The following PDE9A variants were observed in gnomAD, a reference collection of about 807,000 sequenced individuals.
The protein encoded by PDE9A is high affinity cGMP-specific 3',5'-cyclic phosphodiesterase 9A.
In PDE9A, 60 loss-of-function variants were observed where a neutral mutation model predicts 87.4. The ratio of observed to expected loss-of-function variants is 0.69; its 90% CI spans 0.56 to 0.85. The LOEUF is 0.85. PDE9A is among the 40% of genes least tolerant of loss of function. The probability of loss-of-function intolerance (pLI) is 0.00; values close to 1 mark genes in which losing one functional copy is unlikely to be tolerated. For missense variants in PDE9A, 665 were observed against 779.0 expected (o/e 0.85, Z 1.74); for synonymous variants, 272 against 279.4 (o/e 0.97, Z 0.27).
chr21:42,718,861 C>T (rs1455678884), intron 4 of PDE9A, among the ~76,000 whole-genome samples: 1 of 151,726 alleles, frequency 6.6e-6, no homozygotes, highest in Non-Finnish European at 1.5e-5. Context: ...TTATGAATAA[C>T]ACCTAGGAGA....
In PDE9A at chr21:42,760,374, G is replaced by C. The variant is rs770239072; in HGVS notation, c.944G>C (p.Arg315Pro). 2 of 1,610,352 alleles carry C rather than the reference G, an allele frequency of 1.2e-6. No individual in the cohort carries two copies. The highest frequency in any genetic ancestry group is 1.7e-6 in the Non-Finnish European group (2 of 1,179,592). The change falls in exon 12 of 20, where the codon CGG becomes CCG. Residue 315 changes from arginine to proline, a missense_variant. Coordinates refer to ENST00000291539, the MANE Select transcript of PDE9A (RefSeq NM_002606.3). The surrounding 1 kb of genome is among the most constrained non-coding windows in gnomAD (Gnocchi z 5.2). ...NYRNNPFHNF[R>P]HCFCVAQMMY... Reference sequence around the variant, plus strand: ...AGAAACAACCCCTTCCACAACTTCCGGCACTGCTTCTGCGTGGCCCAGATG... The same window carrying C: ...AGAAACAACCCCTTCCACAACTTCCCGCACTGCTTCTGCGTGGCCCAGATG...
At chr21:42,662,680 T>A (rs1223257983) in intron 1 of PDE9A, among the ~76,000 whole-genome samples, 6 of 83,906 alleles carry the variant, frequency 7.2e-5, no homozygotes, top group South Asian at 4.2e-4. Context: ...GCACACGCAC[T>A]GCACACACAT....
At chr21:42,768,014 T>C (rs11203217) in intron 15 of PDE9A, among the ~76,000 whole-genome samples, 174 bp from the exon 16 acceptor site, 2,572 of 152,256 alleles carry the variant, frequency 0.017, 40 homozygotes, top group South Asian at 0.046. Context: ...ACCTTGAAGG[T>C]TCATTCTCCA....
intron 4 of PDE9A, among the ~76,000 whole-genome samples, chr21:42,726,700 A>G (rs2051153890): frequency 7.2e-6 from 1 of 138,242 alleles, no homozygotes; most frequent in Middle Eastern, 3.5e-3. Flanking sequence ...GGCTCAAGCA[A>G]TCCTCCAACC....
rs200267932 is a variant in PDE9A, at chr21:42,772,561, A to G, written c.1768+41A>G. On this transcript the variant is annotated intron_variant, in intron 19 of 19. Transcript: ENST00000291539. ...CTGAAGTGGCATCTCAGCGCATACA[A>G]TGATTCTGACAAAGGACAGAAGGAA... is the stretch of plus-strand genomic sequence containing the variant. The G allele has an allele frequency of 1.5e-4, 195 of 1,330,300 alleles. No homozygotes were observed. The African/African-American group carries it at 2.4e-3, about 16-fold the overall frequency. The allele number at this position is 1,330,300 out of a possible 1,614,324, so 82.4% of individuals were successfully genotyped here.
At chr21:42,665,745 C>A (rs1266629391) in intron 1 of PDE9A, among the ~76,000 whole-genome samples, 1 of 152,240 alleles carries the variant, frequency 6.6e-6, no homozygotes, top group Non-Finnish European at 1.5e-5. Context: ...CACTCACCTT[C>A]CAACCCTGCC....
intron 15 of PDE9A, among the ~76,000 whole-genome samples, chr21:42,765,961 G>A (rs544108842): frequency 1.3e-5 from 2 of 152,154 alleles, no homozygotes; most frequent in African/African-American, 4.8e-5. Context: ...AGAAGGGGTA[G>A]GGGGCCTCCC....
chr21:42,753,963 T>C lies in PDE9A; in HGVS notation c.736-27T>C, dbSNP rs191635084. The C allele has an allele frequency of 6.5e-5, 97 of 1,481,420 alleles. No homozygotes were observed. The East Asian group carries it at 2.1e-3, about 33-fold the overall frequency. The allele number at this position is 1,481,420 out of a possible 1,614,324, so 91.8% of individuals were successfully genotyped here. A position where few individuals can be genotyped will look rare whatever the true frequency, so the allele number is the denominator to read the frequency against. On this transcript the variant is annotated intron_variant, in intron 9 of 19. Transcript: ENST00000291539. ...ACTGTCACAGGCCCACGGCGCCTGGTTAACACGGAACTCCTGTCCTTTCTA... is the reference window on the plus strand; with the variant it reads ...ACTGTCACAGGCCCACGGCGCCTGGCTAACACGGAACTCCTGTCCTTTCTA...
intron 7 of PDE9A, chr21:42,733,730 TTGTC>T: frequency 2.6e-6 from 1 of 391,528 alleles, no homozygotes. Context: ...GCTGAGTGTC[TTGTC>T]TGTGTCTTTT....
chr21:42,717,830 G>A lies in PDE9A; in HGVS notation c.263-13940G>A, dbSNP rs958571864. On this transcript the variant is annotated intron_variant, in intron 4 of 19. Coordinates refer to ENST00000291539, the MANE Select transcript of PDE9A (RefSeq NM_002606.3). ...TTCTGGCCTCCATTGTTTCTGATGA[G>A]AAGTCAGCTTAATTTGATCATTATT... is the stretch of plus-strand genomic sequence containing the variant. 2.3e-4 allele frequency among the ~76,000 whole-genome samples: 35 copies of A among 151,812 alleles called. 1 individual carries two copies. The highest frequency in any genetic ancestry group is 1.3e-4 in the Admixed American group (2 of 15,232).
At chr21:42,730,181 C>A (rs1328714850) in intron 4 of PDE9A, among the ~76,000 whole-genome samples, 1 of 152,208 alleles carries the variant, frequency 6.6e-6, no homozygotes, top group Non-Finnish European at 1.5e-5. Flanking sequence ...GCCATCTTCC[C>A]CCACTAGTAG....
intron 1 of PDE9A, among the ~76,000 whole-genome samples, chr21:42,670,744 CACAT>C (rs1232048106): frequency 2.8e-5 from 4 of 144,852 alleles, no homozygotes; most frequent in African/African-American, 7.4e-5. Flanking sequence ...CACATTCACA[CACAT>C]ACACTCACAT....
At chr21:42,737,563 C>CT in intron 7 of PDE9A, among the ~76,000 whole-genome samples, 6 of 152,170 alleles carry the variant, frequency 3.9e-5, no homozygotes, top group Admixed American at 1.3e-4. Flanking sequence ...GAAGACAGGA[C>CT]ACTTCTGTCT....
At chr21:42,680,692 C>T (rs1475441048) in intron 1 of PDE9A, among the ~76,000 whole-genome samples, 1 of 152,234 alleles carries the variant, frequency 6.6e-6, no homozygotes, top group African/African-American at 2.4e-5. Context: ...TCTCTTCCTT[C>T]TCTGGATTCA....
chr21:42,725,957 G>A (rs1408767476), intron 4 of PDE9A, among the ~76,000 whole-genome samples: 1 of 152,178 alleles, frequency 6.6e-6, no homozygotes, highest in Non-Finnish European at 1.5e-5. Context: ...CCAGCCACGA[G>A]TGAGTGAGCC....
At position 42,705,052 on chromosome 21, in the gene PDE9A, C is replaced by T. The variant is rs1265541193; in HGVS notation, c.262+6041C>T. On this transcript the variant is annotated intron_variant, in intron 4 of 19. Transcript: ENST00000291539. The surrounding 1 kb of genome is among the most constrained non-coding windows in gnomAD (Gnocchi z 4.3). ...GTGAGCTGCAGAGACTTCTCTGGAG[C>T]GGTGAACAGCTCCTGCCAGGAAAGA... 4.6e-5 allele frequency among the ~76,000 whole-genome samples: 7 copies of T among 152,282 alleles called. No homozygotes were observed. The highest frequency in any genetic ancestry group is 4.1e-4 in the South Asian group (2 of 4,820).
chr21:42,725,477 G>T (rs1223609019), intron 4 of PDE9A, among the ~76,000 whole-genome samples: 1 of 152,106 alleles, frequency 6.6e-6, no homozygotes, highest in African/African-American at 2.4e-5. Context: ...GACCTCTGGT[G>T]ATCCACCCAC....
chr21:42,751,479 T>C (rs2054418633), intron 9 of PDE9A, among the ~76,000 whole-genome samples: 1 of 152,232 alleles, frequency 6.6e-6, no homozygotes, highest in African/African-American at 2.4e-5. Flanking sequence ...AGACAGTTTT[T>C]ACACTCAAAC....
chr21:42,740,609 GGATGGATGGATGGATGAATGGATACATA>G (rs2053053122), intron 7 of PDE9A, among the ~76,000 whole-genome samples: 2 of 118,846 alleles, frequency 1.7e-5, no homozygotes, highest in South Asian at 6.1e-4. Context: ...ATGGATGGAT[GGATGGATGGATGGATGAATGGATACATA>G]GATGAATGGA....
Sources: allele counts gnomAD v4.1 joint callset (sites outside exome capture counted in the v4.1 genomes callset), GRCh38; gene constraint gnomAD v4.1.1; non-coding constraint Gnocchi (gnomAD v3.1); transcripts MANE v1.5; gene names NCBI Gene and HGNC (gene_info 2026-07-23, HGNC 2026-07-21).